TEAD1: variants seen among roughly 807,000 people sequenced by gnomAD.
The protein encoded by TEAD1 is transcriptional enhancer factor TEF-1.
TEAD1 carries 9 observed loss-of-function variants against 54.9 expected under a neutral mutation model. The ratio of observed to expected loss-of-function variants is 0.16; its 90% CI spans 0.10 to 0.29. The LOEUF (loss-of-function observed/expected upper bound fraction) is 0.29, where lower values mean the gene tolerates loss of function less well. Ranked by LOEUF, TEAD1 falls within the 10% of genes least tolerant of loss-of-function variation. The pLI, the probability that TEAD1 is intolerant of heterozygous loss-of-function variation, is 1.00. For synonymous variants in TEAD1, 200 were observed against 187.8 expected (o/e 1.07, Z -0.53); for missense variants, 387 against 535.9 (o/e 0.72, Z 2.74).
intron 2 of TEAD1, among the ~76,000 whole-genome samples, chr11:12,752,213 GTTT>G (rs35143229): frequency 3.4e-4 from 34 of 101,038 alleles, no homozygotes; most frequent in African/African-American, 1.2e-3. Flanking sequence ...AAACAGGGCA[GTTT>G]TTTTTTTTTT....
Position 12,922,266 on chromosome 11 carries a change from G to T in TEAD1, c.874-2646G>T, listed in dbSNP as rs1203753494. Among the ~76,000 whole-genome samples the T allele has an allele frequency of 2.1e-4, 10 of 47,280 alleles. 4 individuals carry two copies. The East Asian group carries it at 4.2e-3, about 20-fold the overall frequency. 31.0% of individuals were successfully genotyped at this position (47,280 alleles called of 152,430 possible). A position where few individuals can be genotyped will look rare whatever the true frequency, so the allele number is the denominator to read the frequency against. On this transcript the variant is annotated intron_variant, in intron 10 of 12. Transcript: ENST00000527636. ...GGCTGGAGTGCAGTGGCGGGATCTC[G>T]GCTCACTGCAAGCTCCGCCTCCCGG...
chr11:12,861,487 T>C (rs2134066504), intron 3 of TEAD1, among the ~76,000 whole-genome samples: 1 of 152,324 alleles, frequency 6.6e-6, no homozygotes, highest in Non-Finnish European at 1.5e-5. Context: ...TCGTTCGTTC[T>C]CTTGTGGCTG....
At chr11:12,713,416 C>T (rs927354187) in intron 2 of TEAD1, among the ~76,000 whole-genome samples, 31 of 152,168 alleles carry the variant, frequency 2.0e-4, no homozygotes, top group African/African-American at 7.2e-4. Flanking sequence ...ATAATTATGC[C>T]TGAGTGTTTT....
At chr11:12,726,288 T>C (rs927890665) in intron 2 of TEAD1, among the ~76,000 whole-genome samples, 1 of 152,136 alleles carries the variant, frequency 6.6e-6, no homozygotes, top group Non-Finnish European at 1.5e-5. Flanking sequence ...ATTCTAAAAA[T>C]GGAGAGGCTG....
At chr11:12,864,652 G>A (rs1947579596) in intron 4 of TEAD1, 186 bp from the exon 5 acceptor site, 1 of 1,385,902 alleles carries the variant, frequency 7.2e-7, no homozygotes, top group African/African-American at 1.5e-5. Flanking sequence ...GTTTTGTTTT[G>A]TTTTGTTTCC....
At chr11:12,910,039 C>T (rs1016364897) in intron 10 of TEAD1, among the ~76,000 whole-genome samples, 2 of 152,172 alleles carry the variant, frequency 1.3e-5, no homozygotes, top group African/African-American at 2.4e-5. Context: ...AGCTGTGCTT[C>T]ATTGCAGCAT....
At chr11:12,794,208 G>C (rs1206113075) in intron 3 of TEAD1, among the ~76,000 whole-genome samples, 1 of 152,072 alleles carries the variant, frequency 6.6e-6, no homozygotes, top group Non-Finnish European at 1.5e-5. Context: ...GATTTTATGC[G>C]GTCCATTTGG....
Position 12,739,253 on chromosome 11 carries a change from A to G in TEAD1, c.-54-24926A>G, listed in dbSNP as rs148751072. Among the ~76,000 whole-genome samples the G allele has an allele frequency of 2.3e-3, 344 of 152,112 alleles. 1 individual carries two copies. Among genetic ancestry groups the G allele is most frequent in the African/African-American group, 7.4e-3 (308 of 41,446 alleles). On this transcript the variant is annotated intron_variant, in intron 2 of 12. Coordinates refer to ENST00000527636, the MANE Select transcript of TEAD1 (RefSeq NM_021961.6). ...CTATCTATCTATCTATCAGTCATCT[A>G]TCTCTGTCATCTATCTACAATCTTT...
intron 2 of TEAD1, among the ~76,000 whole-genome samples, chr11:12,689,675 T>C (rs1382014161): frequency 6.6e-6 from 1 of 152,156 alleles, no homozygotes; most frequent in South Asian, 2.1e-4. Context: ...CAGAATCTTA[T>C]TTTTATTTTA....
chr11:12,933,192 T>A (rs1301696602), intron 12 of TEAD1, among the ~76,000 whole-genome samples: 1 of 152,188 alleles, frequency 6.6e-6, no homozygotes, highest in African/African-American at 2.4e-5. Context: ...AAAATATGAC[T>A]TCAACCAATA....
intron 3 of TEAD1, among the ~76,000 whole-genome samples, chr11:12,808,127 C>G (rs1340638391): frequency 6.6e-6 from 1 of 152,092 alleles, no homozygotes; most frequent in South Asian, 2.1e-4. Flanking sequence ...TCTAAATGCA[C>G]TATTCATTTC....
In TEAD1 at chr11:12,831,595, T is replaced by C. The variant is rs75924343; in HGVS notation, c.203-30655T>C. Among the ~76,000 whole-genome samples, 1,413 of 152,246 alleles carry C rather than the reference T, an allele frequency of 9.3e-3. 19 individuals carry two copies. The highest frequency in any genetic ancestry group is 0.032 in the African/African-American group (1,336 of 41,534). On this transcript the variant is annotated intron_variant, in intron 3 of 12. Transcript: ENST00000527636. ...AGGAAAATATTCCACCTGGCTGATA[T>C]AGTGAGACCTTATCTCTACAAACAA... is the stretch of plus-strand genomic sequence containing the variant.
At chr11:12,733,014 T>C (rs190961520) in intron 2 of TEAD1, among the ~76,000 whole-genome samples, 1 of 152,278 alleles carries the variant, frequency 6.6e-6, no homozygotes, top group East Asian at 1.9e-4. Flanking sequence ...ACTCTGTGAG[T>C]ACCTTTAAGC....
intron 3 of TEAD1, among the ~76,000 whole-genome samples, chr11:12,783,940 G>C (rs529042328): frequency 2.0e-5 from 3 of 152,148 alleles, no homozygotes; most frequent in Non-Finnish European, 4.4e-5. Flanking sequence ...ACACAGGAAG[G>C]GGGGATGGGA....
At chr11:12,923,414 C>T (rs1948849055) in intron 10 of TEAD1, among the ~76,000 whole-genome samples, 1 of 152,132 alleles carries the variant, frequency 6.6e-6, no homozygotes, top group African/African-American at 2.4e-5. Context: ...GTGCTCGTGT[C>T]CCCCCGTACC....
chr11:12,795,139 G>A (rs1945887474), intron 3 of TEAD1, among the ~76,000 whole-genome samples: 1 of 152,192 alleles, frequency 6.6e-6, no homozygotes, highest in African/African-American at 2.4e-5. Flanking sequence ...GGGAGGATGT[G>A]TTCTGTGCCT....
At chr11:12,719,021 G>T (rs1944123809) in intron 2 of TEAD1, among the ~76,000 whole-genome samples, 1 of 151,790 alleles carries the variant, frequency 6.6e-6, no homozygotes, top group Admixed American at 6.6e-5. Context: ...GGAGTCCAAG[G>T]GTCTTCTGAA....
At chr11:12,919,089 T>C (rs546828516) in intron 10 of TEAD1, among the ~76,000 whole-genome samples, 1 of 152,358 alleles carries the variant, frequency 6.6e-6, no homozygotes, top group South Asian at 2.1e-4. Flanking sequence ...CCAGTTTGTG[T>C]ACTTTTCTGA....
chr11:12,912,176 A>G lies in TEAD1; in HGVS notation c.873+10063A>G, dbSNP rs553809202. Among the ~76,000 whole-genome samples, 8 of 152,134 alleles carry G rather than the reference A, an allele frequency of 5.3e-5. No homozygotes were observed. The South Asian group carries it at 1.7e-3, about 32-fold the overall frequency. On this transcript the variant is annotated intron_variant, in intron 10 of 12. Coordinates refer to ENST00000527636, the MANE Select transcript of TEAD1 (RefSeq NM_021961.6). ...CCATCTCGTTGCTAGAAAGTCATTC[A>G]ACAAACATTTGCCAATGTCGTCTTT...
Sources: allele counts gnomAD v4.1 joint callset (sites outside exome capture counted in the v4.1 genomes callset), GRCh38; gene constraint gnomAD v4.1.1; transcripts MANE v1.5; gene names NCBI Gene and HGNC (gene_info 2026-07-23, HGNC 2026-07-21).